Variants in SLCO3A1 observed in about 807,000 individuals in gnomAD.
SLCO3A1 encodes the protein solute carrier organic anion transporter family member 3A1.
Under a neutral mutation model 63.1 loss-of-function variants are expected in SLCO3A1, and 27 were observed. The ratio of observed to expected loss-of-function variants is 0.43; its 90% CI spans 0.32 to 0.59. SLCO3A1 has a LOEUF of 0.59. Among genes scored for constraint, SLCO3A1 ranks in the 20% least tolerant of loss-of-function variants. SLCO3A1 has a pLI of 0.09. For missense variants in SLCO3A1, 773 were observed against 945.8 expected (o/e 0.82, Z 2.40); for synonymous variants, 473 against 409.9 (o/e 1.15, Z -1.86).
In SLCO3A1 at chr15:92,013,900, T is replaced by C. The variant is rs1220502713; in HGVS notation, c.647-80981T>C. 3.3e-5 allele frequency among the ~76,000 whole-genome samples: 5 copies of C among 152,070 alleles called. No homozygotes were observed. The East Asian group carries it at 7.7e-4, about 23-fold the overall frequency. ...ATTGCTCAAGAATATGCTGTCCTAA[T>C]AGGTGACAGAGGTCAGGCAGGAATT... On this transcript the variant is annotated intron_variant, in intron 2 of 9. Transcript: ENST00000318445.
intron 2 of SLCO3A1, among the ~76,000 whole-genome samples, chr15:91,975,935 C>T (rs928159186): frequency 6.6e-6 from 1 of 152,224 alleles, no homozygotes; most frequent in Non-Finnish European, 1.5e-5. Context: ...CTGCAGTCCT[C>T]TTTGTTGTCT....
chr15:92,054,294 A>G (rs1239345982), intron 2 of SLCO3A1, among the ~76,000 whole-genome samples: 1 of 152,192 alleles, frequency 6.6e-6, no homozygotes, highest in African/African-American at 2.4e-5. Context: ...AGCTGTCCTA[A>G]AAATTGAATG....
At chr15:92,120,690 T>A in intron 5 of SLCO3A1, 61 bp downstream of exon 5, 1 of 1,498,042 alleles carries the variant, frequency 6.7e-7, no homozygotes, top group Non-Finnish European at 9.2e-7. Context: ...TGTAAGGCAC[T>A]AAAAATTTAC....
At chr15:92,052,335 CA>C (rs1280626549) in intron 2 of SLCO3A1, among the ~76,000 whole-genome samples, 1 of 152,164 alleles carries the variant, frequency 6.6e-6, no homozygotes, top group Non-Finnish European at 1.5e-5. Context: ...TACCTGGAGA[CA>C]CTGGAAGACA....
chr15:92,151,695 A>G (rs1216916166), intron 9 of SLCO3A1, among the ~76,000 whole-genome samples: 1 of 152,182 alleles, frequency 6.6e-6, no homozygotes, highest in Non-Finnish European at 1.5e-5. Context: ...CCGTTGCTTT[A>G]TGAGCATTCT....
intron 3 of SLCO3A1, among the ~76,000 whole-genome samples, chr15:92,097,622 C>T (rs1019192685): frequency 3.3e-5 from 5 of 152,160 alleles, no homozygotes; most frequent in Admixed American, 6.5e-5. Context: ...GTGGGCATCT[C>T]GCTGATGACA....
chr15:92,012,968 CA>C (rs2046385649), intron 2 of SLCO3A1, among the ~76,000 whole-genome samples: 1 of 152,198 alleles, frequency 6.6e-6, no homozygotes, highest in Non-Finnish European at 1.5e-5. Flanking sequence ...TCAAAGCTCT[CA>C]CAGCCTGAAA....
chr15:91,939,149 G>GA (rs1899524708), intron 2 of SLCO3A1, among the ~76,000 whole-genome samples: 1 of 152,146 alleles, frequency 6.6e-6, no homozygotes, highest in Non-Finnish European at 1.5e-5. Context: ...ATCTGCTTCT[G>GA]GGGAGGCCTC....
intron 2 of SLCO3A1, among the ~76,000 whole-genome samples, chr15:91,923,089 T>TC (rs1208945461): frequency 6.6e-6 from 1 of 152,208 alleles, no homozygotes; most frequent in African/African-American, 2.4e-5. Flanking sequence ...CCTCCACGAC[T>TC]CCTGGGTTTT....
At chr15:92,016,358 T>C (rs904964940) in intron 2 of SLCO3A1, among the ~76,000 whole-genome samples, 3 of 152,094 alleles carry the variant, frequency 2.0e-5, no homozygotes, top group Non-Finnish European at 4.4e-5. Flanking sequence ...AGAGATGAGA[T>C]CTCACTGTGT....
intron 3 of SLCO3A1, among the ~76,000 whole-genome samples, chr15:92,096,565 G>C (rs1457399946): frequency 6.6e-6 from 1 of 152,120 alleles, no homozygotes; most frequent in African/African-American, 2.4e-5. Context: ...GAAAACAGAG[G>C]GTGAGAAGCC....
At chr15:92,065,234 C>T (rs971197225) in intron 2 of SLCO3A1, among the ~76,000 whole-genome samples, 1 of 152,144 alleles carries the variant, frequency 6.6e-6, no homozygotes, top group African/African-American at 2.4e-5. Context: ...AGGCGTGTGC[C>T]ATCACGCCAG....
intron 2 of SLCO3A1, among the ~76,000 whole-genome samples, chr15:92,016,254 T>TAGATTGATTAGA: frequency 4.8e-4 from 46 of 95,658 alleles, no homozygotes; most frequent in Non-Finnish European, 3.7e-4. Flanking sequence ...GATAGATAGA[T>TAGATTGATTAGA]TAGATAGATA....
chr15:92,108,424 A>G (rs2047690505), intron 4 of SLCO3A1, among the ~76,000 whole-genome samples: 1 of 152,108 alleles, frequency 6.6e-6, no homozygotes, highest in Non-Finnish European at 1.5e-5. Flanking sequence ...CCTTTCCTAC[A>G]TGGTAAGCCG....
intron 5 of SLCO3A1, 45 bp from the exon 6 acceptor site, chr15:92,126,016 C>T (rs757802006): frequency 5.1e-6 from 8 of 1,563,992 alleles, no homozygotes; most frequent in Non-Finnish European, 6.2e-6. Context: ...GTAGACTGGC[C>T]CCACCTTCCC....
intron 2 of SLCO3A1, among the ~76,000 whole-genome samples, chr15:91,920,242 C>T (rs904457835): frequency 1.3e-5 from 2 of 152,114 alleles, no homozygotes; most frequent in Non-Finnish European, 2.9e-5. Context: ...TCAGGTATGT[C>T]TGGGATCTGC....
intron 2 of SLCO3A1, among the ~76,000 whole-genome samples, chr15:91,972,169 G>A (rs1368745166): frequency 4.6e-5 from 7 of 152,110 alleles, no homozygotes; most frequent in Non-Finnish European, 8.8e-5. Flanking sequence ...ATTGGAAAAC[G>A]TCTACCATAT....
chr15:92,140,889 C>T (rs1370344321), intron 7 of SLCO3A1, among the ~76,000 whole-genome samples: 1 of 152,110 alleles, frequency 6.6e-6, no homozygotes, highest in African/African-American at 2.4e-5. Context: ...TATCTTTAAC[C>T]AGTCTCTTAT....
chr15:92,118,754 C>T (rs1216118847), intron 4 of SLCO3A1, among the ~76,000 whole-genome samples: 3 of 152,166 alleles, frequency 2.0e-5, no homozygotes, highest in Admixed American at 2.0e-4. Context: ...TGGTGTAGTA[C>T]CTCCTTCCTC....
Sources: gnomAD v4.1 joint callset for allele counts (sites outside exome capture counted in the v4.1 genomes callset) on GRCh38, gnomAD v4.1.1 for gene constraint, MANE v1.5 for transcripts, NCBI Gene and HGNC (gene_info 2026-07-23, HGNC 2026-07-21) for gene names.